The following HDAC9 variants were observed in gnomAD, a reference collection of about 807,000 sequenced individuals.
HDAC9 encodes MEF-2 interacting transcription repressor (MITR) protein.
Under a neutral mutation model 139.4 loss-of-function variants are expected in HDAC9, and 41 were observed. That is an observed-to-expected ratio of 0.29 (90% confidence interval 0.23 to 0.38). HDAC9 has a LOEUF of 0.38. HDAC9 is among the 10% of genes least tolerant of loss of function. The pLI is 1.00. For synonymous variants in HDAC9, 517 were observed against 476.2 expected, an observed-to-expected ratio of 1.09 and a Z score of -1.12; for missense variants, 1,147 against 1,297.0, an observed-to-expected ratio of 0.88 and a Z score of 1.78.
chr7:18,593,498 A>AT (rs1358479277), intron 5 of HDAC9, among the ~76,000 whole-genome samples: 1 of 152,066 alleles, frequency 6.6e-6, no homozygotes, highest in Non-Finnish European at 1.5e-5. Context: ...CTATCTAGCA[A>AT]TTTTTTAAAA....
chr7:18,197,540 G>C (rs1790812551), intron 2 of HDAC9, among the ~76,000 whole-genome samples: 1 of 152,150 alleles, frequency 6.6e-6, no homozygotes, highest in Admixed American at 6.6e-5. Flanking sequence ...GGCAAAAGAA[G>C]TTACGTGACA....
intron 22 of HDAC9, among the ~76,000 whole-genome samples, chr7:18,899,701 A>T (rs992913047): frequency 1.3e-5 from 2 of 152,014 alleles, no homozygotes; most frequent in African/African-American, 4.8e-5. Flanking sequence ...TGAACTATTC[A>T]ATGTAATTTG....
intron 22 of HDAC9, among the ~76,000 whole-genome samples, chr7:18,902,564 C>T (rs553049999): frequency 6.6e-6 from 1 of 152,282 alleles, no homozygotes; most frequent in South Asian, 2.1e-4. Flanking sequence ...TGAGAACCCC[C>T]TCTAACAATA....
At chr7:18,818,337 A>G (rs1036373701) in intron 17 of HDAC9, among the ~76,000 whole-genome samples, 1 of 152,218 alleles carries the variant, frequency 6.6e-6, no homozygotes. Context: ...TAGTTTTTGG[A>G]TAGTAGGCAG....
At chr7:18,637,070 C>T (rs1441586746) in intron 8 of HDAC9, among the ~76,000 whole-genome samples, 1 of 151,946 alleles carries the variant, frequency 6.6e-6, no homozygotes, top group African/African-American at 2.4e-5. Context: ...ATTGTCATTG[C>T]AATGTTTCAG....
rs370397635 is a variant in HDAC9, at chr7:18,751,035, A to G, written c.2043+1897A>G. 2.4e-3 allele frequency among the ~76,000 whole-genome samples: 360 copies of G among 152,338 alleles called. 1 individual carries two copies. Among genetic ancestry groups the G allele is most frequent in the African/African-American group, 8.6e-3 (356 of 41,586 alleles). Reference sequence around the variant, plus strand: ...TGAAGGAGAACTGTTTATGAAAGGAACAGAGTACAGAAATAAATGGAATTT... The same window carrying G: ...TGAAGGAGAACTGTTTATGAAAGGAGCAGAGTACAGAAATAAATGGAATTT... On this transcript the variant is annotated intron_variant, in intron 14 of 25. Transcript: ENST00000686413.
chr7:18,790,594 C>G (rs2129177395), intron 16 of HDAC9, among the ~76,000 whole-genome samples: 1 of 152,300 alleles, frequency 6.6e-6, no homozygotes, highest in South Asian at 2.1e-4. Context: ...CAAAGACAAA[C>G]TTGTTTGTAA....
At chr7:18,687,565 G>A (rs1170541847) in intron 12 of HDAC9, among the ~76,000 whole-genome samples, 2 of 151,794 alleles carry the variant, frequency 1.3e-5, no homozygotes, top group African/African-American at 2.4e-5. Flanking sequence ...TCCGGGTATA[G>A]TAGTAGATGC....
chr7:18,754,925 A>G (rs1193962097), intron 14 of HDAC9, among the ~76,000 whole-genome samples: 2 of 152,140 alleles, frequency 1.3e-5, no homozygotes, highest in Non-Finnish European at 2.9e-5. Flanking sequence ...TGATATCAAG[A>G]CTGCAAAGCG....
intron 1 of HDAC9, among the ~76,000 whole-genome samples, chr7:18,100,904 G>A (rs142379255): frequency 6.6e-6 from 1 of 152,162 alleles, no homozygotes; most frequent in African/African-American, 2.4e-5. Context: ...CTGGGAAACA[G>A]CTTGATCCTT....
intron 2 of HDAC9, among the ~76,000 whole-genome samples, chr7:18,557,146 CAGGAATTGT>C (rs1018820985): frequency 3.3e-5 from 5 of 151,958 alleles, no homozygotes; most frequent in Admixed American, 6.5e-5. Flanking sequence ...CCAGCTACTG[CAGGAATTGT>C]ATGATTGTGG....
intron 1 of HDAC9, among the ~76,000 whole-genome samples, chr7:18,330,247 G>A (rs1014167305): frequency 1.3e-5 from 2 of 151,588 alleles, no homozygotes; most frequent in South Asian, 2.1e-4. Flanking sequence ...TGTGATAATA[G>A]TGAGTAGATG....
chr7:18,269,023 A>G (rs182457135), intron 2 of HDAC9, among the ~76,000 whole-genome samples: 31 of 152,312 alleles, frequency 2.0e-4, no homozygotes, highest in Admixed American at 1.8e-3. Flanking sequence ...CCTAATAAAT[A>G]TTGCATTTAT....
At chr7:18,800,196 C>T (rs932047192) in intron 17 of HDAC9, among the ~76,000 whole-genome samples, 1 of 152,194 alleles carries the variant, frequency 6.6e-6, no homozygotes, top group Admixed American at 6.5e-5. Flanking sequence ...GAATTTAATA[C>T]ATGCTCTGTT....
At chr7:18,879,335 A>G (rs1281545943) in intron 22 of HDAC9, among the ~76,000 whole-genome samples, 1 of 152,184 alleles carries the variant, frequency 6.6e-6, no homozygotes, top group Admixed American at 6.5e-5. Context: ...GAAACCAAAA[A>G]AAGAGCCCAA....
intron 6 of HDAC9, among the ~76,000 whole-genome samples, chr7:18,618,344 C>A (rs1015692124): frequency 1.3e-5 from 2 of 152,008 alleles, no homozygotes; most frequent in Non-Finnish European, 2.9e-5. Context: ...GAAAACAACT[C>A]CAGACTCTTA....
At chr7:18,968,773 CA>C in intron 24 of HDAC9, among the ~76,000 whole-genome samples, 1 of 152,042 alleles carries the variant, frequency 6.6e-6, no homozygotes, top group African/African-American at 2.4e-5. Flanking sequence ...TCCTGGCTAA[CA>C]GGGTGAAACC....
intron 1 of HDAC9, among the ~76,000 whole-genome samples, chr7:18,410,042 CT>C (rs1377259685): frequency 6.6e-6 from 1 of 152,034 alleles, no homozygotes; most frequent in African/African-American, 2.4e-5. Flanking sequence ...GAATTTCTGT[CT>C]GTTTCTCTTA....
In HDAC9 at chr7:18,753,173, T is replaced by C. The variant is rs114509658; in HGVS notation, c.2043+4035T>C. On this transcript the variant is annotated intron_variant, in intron 14 of 25. Transcript: ENST00000686413. ...ATATGGTGTGATCAGCAGGCATTAA[T>C]TAGACAATCATACAAATAAATACAC... Among the ~76,000 whole-genome samples, 415 of 152,258 alleles carry C rather than the reference T, an allele frequency of 2.7e-3. 3 individuals carry two copies. The highest frequency in any genetic ancestry group is 9.4e-3 in the African/African-American group (391 of 41,566).
Sources: allele counts gnomAD v4.1 joint callset (sites outside exome capture counted in the v4.1 genomes callset), GRCh38; gene constraint gnomAD v4.1.1; transcripts MANE v1.5; gene names NCBI Gene and HGNC (gene_info 2026-07-23, HGNC 2026-07-21).